SGIP1: variants seen among roughly 807,000 people sequenced by gnomAD.
SGIP1 encodes SH3GL interacting endocytic adaptor 1.
A neutral mutation model predicts 107.5 loss-of-function variants in SGIP1; 38 were observed. The ratio of observed to expected loss-of-function variants is 0.35; its 90% CI spans 0.27 to 0.46. The LOEUF (loss-of-function observed/expected upper bound fraction) is 0.46, where lower values mean the gene tolerates loss of function less well. SGIP1 is among the 20% of genes least tolerant of loss of function. The probability of loss-of-function intolerance (pLI) is 1.00; values close to 1 mark genes in which losing one functional copy is unlikely to be tolerated. For missense variants in SGIP1, 929 were observed against 1,019.5 expected, an observed-to-expected ratio of 0.91 and a Z score of 1.21; for synonymous variants, 365 against 366.1, an observed-to-expected ratio of 1.00 and a Z score of 0.03.
intron 1 of SGIP1, among the ~76,000 whole-genome samples, chr1:66,553,115 G>T (rs369011373): frequency 1.1e-3 from 174 of 152,236 alleles, no homozygotes; most frequent in South Asian, 3.5e-3. Context: ...TTTGGGTCAC[G>T]GTTGAACTGG....
At chr1:66,621,007 GC>G (rs1346731219) in intron 1 of SGIP1, among the ~76,000 whole-genome samples, 22 of 152,260 alleles carry the variant, frequency 1.4e-4, no homozygotes, top group Admixed American at 4.6e-4. Flanking sequence ...TAAACAAGAT[GC>G]CCGCATGGAT....
intron 1 of SGIP1, among the ~76,000 whole-genome samples, chr1:66,599,636 A>G (rs2065374853): frequency 6.6e-6 from 1 of 152,202 alleles, no homozygotes; most frequent in African/African-American, 2.4e-5. Flanking sequence ...CTACGGGTGT[A>G]TTTATGCTGC....
At chr1:66,631,158 A>G (rs187523633) in intron 2 of SGIP1, among the ~76,000 whole-genome samples, 6 of 152,262 alleles carry the variant, frequency 3.9e-5, no homozygotes, top group Admixed American at 3.3e-4. Context: ...TTTGATGAGT[A>G]TGGATTGGTA....
intron 8 of SGIP1, chr1:66,667,067 T>A (rs2082723427): frequency 6.5e-6 from 1 of 153,348 alleles, no homozygotes; most frequent in Non-Finnish European, 1.5e-5. Context: ...ATCCTGCCTC[T>A]GATTTTTTGT....
rs2094566743 is a variant in SGIP1, at chr1:66,747,357, G to A, written c.*4262G>A. On this transcript the variant is annotated 3_prime_UTR_variant, in exon 25 of 25. Coordinates refer to ENST00000371037, the MANE Select transcript of SGIP1 (RefSeq NM_032291.4). ...TTCTAGTCAGTTTATTTTTCATTCAGTCCACTTAATTTCCTCCAATCTTAA... is the reference window on the plus strand; with the variant it reads ...TTCTAGTCAGTTTATTTTTCATTCAATCCACTTAATTTCCTCCAATCTTAA... The A allele has an allele frequency of 6.6e-6, 1 of 151,854 alleles. No individual in the cohort carries two copies. The highest frequency in any genetic ancestry group is 6.6e-5 in the Admixed American group (1 of 15,228). The allele number at this position is 151,854 out of a possible 1,614,324, so 9.4% of individuals were successfully genotyped here. A position where few individuals can be genotyped will look rare whatever the true frequency, so the allele number is the denominator to read the frequency against.
intron 1 of SGIP1, among the ~76,000 whole-genome samples, chr1:66,595,644 T>A (rs1291746853): frequency 6.6e-6 from 1 of 152,212 alleles, no homozygotes; most frequent in Non-Finnish European, 1.5e-5. Flanking sequence ...CATTTCCATT[T>A]ACTAGCTTTT....
At chr1:66,543,635 A>G (rs536357326) in intron 1 of SGIP1, among the ~76,000 whole-genome samples, 1 of 152,200 alleles carries the variant, frequency 6.6e-6, no homozygotes, top group East Asian at 1.9e-4. Context: ...CTGAGTACAC[A>G]TACAATGTGA....
intron 1 of SGIP1, among the ~76,000 whole-genome samples, chr1:66,611,461 C>T (rs2067985887): frequency 6.6e-6 from 1 of 152,234 alleles, no homozygotes; most frequent in Non-Finnish European, 1.5e-5. Context: ...AGTGGCTTCA[C>T]AGCCAGGGAC....
At chr1:66,699,333 C>T (rs17492406) in intron 18 of SGIP1, among the ~76,000 whole-genome samples, 2,471 of 152,242 alleles carry the variant, frequency 0.016, 40 homozygotes, top group Non-Finnish European at 0.027. Context: ...CTCTTCCACT[C>T]CTTATTGCTG....
chr1:66,587,593 A>C (rs923548187), intron 1 of SGIP1, among the ~76,000 whole-genome samples: 4 of 152,116 alleles, frequency 2.6e-5, no homozygotes, highest in Non-Finnish European at 5.9e-5. Flanking sequence ...AACAGATTAG[A>C]ATTAGGCTTA....
rs1249067130 is a variant in SGIP1, at chr1:66,741,422, A to C, written c.2450A>C (p.Lys817Thr). The change falls in exon 24 of 25, where the codon AAA (lysine) becomes ACA (threonine). Residue 817 changes from lysine to threonine, a missense_variant. Coordinates refer to ENST00000371037, the MANE Select transcript of SGIP1 (RefSeq NM_032291.4). ...GAGYRFSLIK[K>T]RFAAGKYLAD... is the part of the protein sequence containing the mutation. Reference sequence around the variant, plus strand: ...GGGTATCGATTTTCACTCATCAAGAAAAGGTTTGCTGCAGGTAAATGAGTA... The same window carrying C: ...GGGTATCGATTTTCACTCATCAAGACAAGGTTTGCTGCAGGTAAATGAGTA... 1.3e-6 allele frequency: 2 copies of C among 1,582,112 alleles called. No individual in the cohort carries two copies. The highest frequency in any genetic ancestry group is 3.7e-5 in the Admixed American group (2 of 53,912).
At chr1:66,741,839 C>T (rs2094455618) in intron 24 of SGIP1, among the ~76,000 whole-genome samples, 1 of 151,838 alleles carries the variant, frequency 6.6e-6, no homozygotes, top group South Asian at 2.1e-4. Context: ...GCGATCTCTA[C>T]TCACTGCAAG....
intron 7 of SGIP1, among the ~76,000 whole-genome samples, chr1:66,659,950 A>AAGAAAAAGAAAG (rs752459188): frequency 1.9e-4 from 8 of 43,026 alleles, no homozygotes; most frequent in African/African-American, 7.6e-4. Context: ...AAAAGAAAGA[A>AAGAAAAAGAAAG]AAAGAAAGAA....
At chr1:66,703,011 C>T (rs1005567276) in intron 18 of SGIP1, among the ~76,000 whole-genome samples, 8 of 152,140 alleles carry the variant, frequency 5.3e-5, no homozygotes, top group South Asian at 2.1e-4. Flanking sequence ...GGTTGCTATG[C>T]GTGGACAATT....
At chr1:66,536,863 A>T (rs931796759) in intron 1 of SGIP1, among the ~76,000 whole-genome samples, 5 of 152,180 alleles carry the variant, frequency 3.3e-5, no homozygotes, top group Non-Finnish European at 7.4e-5. Flanking sequence ...TATATTGCTA[A>T]AGTGTTTTAG....
At chr1:66,719,260 T>C in intron 18 of SGIP1, 34 bp from the exon 19 acceptor site, 1 of 1,474,178 alleles carries the variant, frequency 6.8e-7, no homozygotes, top group East Asian at 2.3e-5. Flanking sequence ...GTCTCCTATT[T>C]TCATAATAAA....
chr1:66,620,817 C>A (rs1337113674), intron 1 of SGIP1, among the ~76,000 whole-genome samples: 1 of 152,218 alleles, frequency 6.6e-6, no homozygotes, highest in Non-Finnish European at 1.5e-5. Flanking sequence ...ATAGGCAATG[C>A]ACGTTTTTCT....
At chr1:66,736,453 C>T (rs1263158575) in intron 21 of SGIP1, among the ~76,000 whole-genome samples, 16 of 103,616 alleles carry the variant, frequency 1.5e-4, no homozygotes, top group African/African-American at 5.7e-4. Flanking sequence ...TAATATATTG[C>T]GTATTATATG....
chr1:66,713,202 G>A (rs369736256), intron 18 of SGIP1, among the ~76,000 whole-genome samples: 1 of 151,950 alleles, frequency 6.6e-6, no homozygotes, highest in African/African-American at 2.4e-5. Flanking sequence ...GTAAAACAAG[G>A]GCAAGAATGC....
Sources: allele counts gnomAD v4.1 joint callset (sites outside exome capture counted in the v4.1 genomes callset), GRCh38; gene constraint gnomAD v4.1.1; transcripts MANE v1.5; gene names NCBI Gene and HGNC (gene_info 2026-07-23, HGNC 2026-07-21).